The following GLI3 variants were observed in gnomAD, a reference collection of about 807,000 sequenced individuals.
The protein encoded by GLI3 is transcription activator GLI3.
GLI3 carries 20 observed loss-of-function variants against 100.8 expected under a neutral mutation model. The ratio of observed to expected loss-of-function variants is 0.20; its 90% CI spans 0.14 to 0.29. The LOEUF is 0.29. Among genes scored for constraint, GLI3 ranks in the 10% least tolerant of loss-of-function variants. GLI3 has a pLI of 1.00. For missense variants in GLI3, 2,040 were observed against 2,128.5 expected (o/e 0.96, Z 0.82); for synonymous variants, 938 against 860.5 (o/e 1.09, Z -1.58).
chr7:42,114,963 A>G (rs750659964), intron 3 of GLI3, among the ~76,000 whole-genome samples: 2 of 152,022 alleles, frequency 1.3e-5, no homozygotes, highest in Non-Finnish European at 2.9e-5. Flanking sequence ...CAGCCTCCCA[A>G]AATATTGAGC....
At chr7:41,968,713 GAAGAAAGAAAGAAAGA>G (rs1231824406) in intron 13 of GLI3, among the ~76,000 whole-genome samples, 39 of 93,990 alleles carry the variant, frequency 4.1e-4, no homozygotes, top group East Asian at 2.1e-3. Flanking sequence ...AAGAAAGAAA[GAAGAAAGAAAGAAAGA>G]AAGAAAGAAA....
At chr7:42,113,680 A>T in intron 3 of GLI3, 1 of 739,054 alleles carries the variant, frequency 1.4e-6, no homozygotes. Context: ...TTGAAATACT[A>T]TTTTTTATCA....
chr7:42,018,619 G>A (rs1788839318), intron 10 of GLI3, among the ~76,000 whole-genome samples: 3 of 152,118 alleles, frequency 2.0e-5, no homozygotes, highest in African/African-American at 7.2e-5. Flanking sequence ...ATATTAAAAA[G>A]AAAGCCCCTC....
chr7:42,235,184 CTACTATTAATTTTTAATCTA>C (rs1788766368), intron 1 of GLI3, among the ~76,000 whole-genome samples: 1 of 152,178 alleles, frequency 6.6e-6, no homozygotes, highest in Non-Finnish European at 1.5e-5. Flanking sequence ...AACTGTCAGA[CTACTATTAATTTTTAATCTA>C]AAACCTAAAT....
At chr7:42,261,266 C>A (rs1171270662) in intron 1 of GLI3, among the ~76,000 whole-genome samples, 1 of 148,726 alleles carries the variant, frequency 6.7e-6, no homozygotes, top group Non-Finnish European at 1.5e-5. Flanking sequence ...GGAGGTGCCA[C>A]ACATTGTAAA....
At chr7:42,262,197 T>TTCCTTCCTTCTTTCC (rs1761173028) in intron 1 of GLI3, among the ~76,000 whole-genome samples, 3 of 33,612 alleles carry the variant, frequency 8.9e-5, no homozygotes, top group South Asian at 8.4e-4. Context: ...TTTTATTTTT[T>TTCCTTCCTTCTTTCC]TTCCTTCCTT....
At chr7:42,134,077 T>C (rs1786362925) in intron 3 of GLI3, among the ~76,000 whole-genome samples, 1 of 120,604 alleles carries the variant, frequency 8.3e-6, no homozygotes, top group Non-Finnish European at 1.8e-5. Context: ...CGAGACTCTG[T>C]CTCAAAAAAA....
intron 2 of GLI3, among the ~76,000 whole-genome samples, chr7:42,152,903 C>T (rs1026880403): frequency 6.6e-6 from 1 of 152,076 alleles, no homozygotes; most frequent in Non-Finnish European, 1.5e-5. Flanking sequence ...CCAGAATTTG[C>T]GAGTGCACAG....
chr7:41,969,106 C>T (rs1787302173), intron 13 of GLI3, among the ~76,000 whole-genome samples: 1 of 152,188 alleles, frequency 6.6e-6, no homozygotes, highest in African/African-American at 2.4e-5. Context: ...ATTGTTCCAT[C>T]TCAAGTTCCA....
intron 1 of GLI3, among the ~76,000 whole-genome samples, chr7:42,251,960 A>G (rs1455186238): frequency 6.6e-5 from 10 of 152,164 alleles, no homozygotes; most frequent in Admixed American, 6.5e-4. Flanking sequence ...ACAATTCCTC[A>G]AAGAACTGAA....
In GLI3 at chr7:42,097,275, C is replaced by T. The variant is rs923662223; in HGVS notation, c.368-20418G>A. Among the ~76,000 whole-genome samples the T allele has an allele frequency of 5.3e-5, 8 of 152,338 alleles. 1 individual carries two copies. In the South Asian group the frequency reaches 1.2e-3, roughly 24 times the overall value. ...GTTTAAGTGAAATGACATATGACAGCTCATTATCCCAAACTCAGAATTCCC... is the reference window on the plus strand; with the variant it reads ...GTTTAAGTGAAATGACATATGACAGTTCATTATCCCAAACTCAGAATTCCC... On this transcript the variant is annotated intron_variant, in intron 3 of 14. Coordinates refer to ENST00000395925, the MANE Select transcript of GLI3 (RefSeq NM_000168.6).
Position 42,169,321 on chromosome 7 carries a change from G to A in GLI3, c.125-20853C>T, listed in dbSNP as rs535464267. 1.7e-3 allele frequency among the ~76,000 whole-genome samples: 264 copies of A among 152,198 alleles called. 1 individual carries two copies. The highest frequency in any genetic ancestry group is 5.9e-3 in the African/African-American group (245 of 41,520). ...TATCAAAAAAGCCGCCTCAAACTGT[G>A]CATGAACAGCCAATTCAGTGAAGAA... is the stretch of plus-strand genomic sequence containing the variant. On this transcript the variant is annotated intron_variant, in intron 2 of 14. Coordinates refer to ENST00000395925, the MANE Select transcript of GLI3 (RefSeq NM_000168.6).
chr7:42,075,264 T>C (rs1784856279), intron 4 of GLI3, among the ~76,000 whole-genome samples: 1 of 152,198 alleles, frequency 6.6e-6, no homozygotes, highest in Non-Finnish European at 1.5e-5. Flanking sequence ...TCTGAAAGAA[T>C]GAAGAACTCC....
At chr7:42,002,924 T>C (rs1788346472) in intron 10 of GLI3, among the ~76,000 whole-genome samples, 1 of 152,218 alleles carries the variant, frequency 6.6e-6, no homozygotes, top group Non-Finnish European at 1.5e-5. Context: ...AGTTAGTGCA[T>C]GCTCTTAGAA....
In GLI3 at chr7:42,180,927, G is replaced by A. The variant is rs116862792; in HGVS notation, c.125-32459C>T. ...ACAGATGTTTCCTTACTGGAAAGGCGTTCCAATCGTTCACCCAGTATCTGG... is the reference window on the plus strand; with the variant it reads ...ACAGATGTTTCCTTACTGGAAAGGCATTCCAATCGTTCACCCAGTATCTGG... On this transcript the variant is annotated intron_variant, in intron 2 of 14. Coordinates refer to ENST00000395925, the MANE Select transcript of GLI3 (RefSeq NM_000168.6). Among the ~76,000 whole-genome samples, 336 of 152,330 alleles carry A rather than the reference G, an allele frequency of 2.2e-3. 6 individuals carry two copies. In the East Asian group the frequency reaches 0.03, roughly 14 times the overall value.
chr7:42,110,376 C>A (rs572575821), intron 3 of GLI3, among the ~76,000 whole-genome samples: 1 of 152,312 alleles, frequency 6.6e-6, no homozygotes, highest in South Asian at 2.1e-4. Flanking sequence ...CAAACTTCAA[C>A]AGATACTGAT....
At chr7:41,977,426 G>A (rs1787539653) in intron 12 of GLI3, 132 bp downstream of exon 12, 2 of 899,610 alleles carry the variant, frequency 2.2e-6, no homozygotes, top group African/African-American at 1.7e-5. Context: ...TTCACCTGCA[G>A]GGGCAGAGCC....
intron 2 of GLI3, among the ~76,000 whole-genome samples, chr7:42,166,391 A>T (rs1787241229): frequency 6.6e-6 from 1 of 152,296 alleles, no homozygotes; most frequent in East Asian, 1.9e-4. Context: ...TGGAAGCAAC[A>T]GTATACGTTT....
chr7:41,999,493 C>T (rs987140479), intron 10 of GLI3, among the ~76,000 whole-genome samples: 4 of 152,130 alleles, frequency 2.6e-5, no homozygotes, highest in Non-Finnish European at 4.4e-5. Context: ...ACCACAAGTA[C>T]GTCAAAGTCA....
Sources: gnomAD v4.1 joint callset for allele counts (sites outside exome capture counted in the v4.1 genomes callset) on GRCh38, gnomAD v4.1.1 for gene constraint, MANE v1.5 for transcripts, NCBI Gene and HGNC (gene_info 2026-07-23, HGNC 2026-07-21) for gene names.